SERPINI1: variants seen among roughly 807,000 people sequenced by gnomAD.
SERPINI1 encodes serpin family I member 1.
In SERPINI1, 19 loss-of-function variants were observed where a neutral mutation model predicts 41.1. The ratio of observed to expected loss-of-function variants is 0.46; its 90% CI spans 0.32 to 0.68. The LOEUF is 0.68. Ranked by LOEUF, SERPINI1 falls within the 30% of genes least tolerant of loss-of-function variation. The pLI is 0.03. For missense variants in SERPINI1, 460 were observed against 479.2 expected (o/e 0.96, Z 0.37); for synonymous variants, 138 against 156.6 (o/e 0.88, Z 0.89).
At chr3:167,759,187 T>C (rs1455972377) in intron 1 of SERPINI1, among the ~76,000 whole-genome samples, 1 of 152,100 alleles carries the variant, frequency 6.6e-6, no homozygotes, top group Non-Finnish European at 1.5e-5. Context: ...TCCCATTTTA[T>C]AGACTTTGAG....
At chr3:167,742,229 A>G (rs1420928829) in intron 1 of SERPINI1, among the ~76,000 whole-genome samples, 8 of 152,206 alleles carry the variant, frequency 5.3e-5, no homozygotes, top group Admixed American at 5.2e-4. Context: ...GGATTATCTT[A>G]AAAGCAAATT....
chr3:167,825,509 C>T lies in SERPINI1; in HGVS notation c.*186C>T, dbSNP rs1712490227. The T allele has an allele frequency of 1.7e-6, 1 of 572,622 alleles. No homozygotes were observed. Among genetic ancestry groups the T allele is most frequent in the Non-Finnish European group, 3.1e-6 (1 of 320,254 alleles). The allele number at this position is 572,622 out of a possible 1,614,324, so 35.5% of individuals were successfully genotyped here. A position where few individuals can be genotyped will look rare whatever the true frequency, so the allele number is the denominator to read the frequency against. ...TGTTATCAGTATTAAGCTAATGGTC[C>T]TGTTATGTCATTGTGTTTGTGTGCT... On this transcript the variant is annotated 3_prime_UTR_variant, in exon 9 of 9. Transcript: ENST00000446050.
chr3:167,818,738 G>T (rs1265423993), intron 6 of SERPINI1, among the ~76,000 whole-genome samples: 1 of 152,104 alleles, frequency 6.6e-6, no homozygotes, highest in East Asian at 1.9e-4. Context: ...GTGCGAACAG[G>T]CAATAAAGTA....
chr3:167,755,794 A>ATTTTTTTTTTTTTTTTT (rs34182780), intron 1 of SERPINI1, among the ~76,000 whole-genome samples: 1 of 119,222 alleles, frequency 8.4e-6, no homozygotes. Flanking sequence ...GGTGTTGCTG[A>ATTTTTTTTTTTTTTTTT]TTTTTTTTTT....
intron 1 of SERPINI1, among the ~76,000 whole-genome samples, chr3:167,768,860 A>C (rs1057352184): frequency 3.9e-5 from 6 of 152,192 alleles, no homozygotes; most frequent in African/African-American, 1.4e-4. Flanking sequence ...AAGGTCCTAG[A>C]CTTTAAGGGT....
intron 1 of SERPINI1, among the ~76,000 whole-genome samples, chr3:167,776,005 G>A (rs1726960246): frequency 6.6e-6 from 1 of 152,190 alleles, no homozygotes; most frequent in Admixed American, 6.5e-5. Context: ...ACAAAATGGG[G>A]GGAGGCCTTA....
At chr3:167,757,531 C>A (rs924992209) in intron 1 of SERPINI1, among the ~76,000 whole-genome samples, 32 of 151,876 alleles carry the variant, frequency 2.1e-4, no homozygotes, top group Non-Finnish European at 3.8e-4. Flanking sequence ...CACACACACA[C>A]AAAATATATA....
intron 6 of SERPINI1, among the ~76,000 whole-genome samples, chr3:167,817,259 A>G (rs139301046): frequency 1.3e-5 from 2 of 152,282 alleles, no homozygotes; most frequent in African/African-American, 4.8e-5. Flanking sequence ...CTGATTTCTA[A>G]GGAATTTTAT....
chr3:167,810,140 T>C (rs1217658895), intron 6 of SERPINI1, among the ~76,000 whole-genome samples: 1 of 152,134 alleles, frequency 6.6e-6, no homozygotes, highest in African/African-American at 2.4e-5. Context: ...TTCCTCTAAA[T>C]TAATAGCATT....
chr3:167,818,607 C>T (rs1038185505), intron 6 of SERPINI1, among the ~76,000 whole-genome samples: 1 of 151,824 alleles, frequency 6.6e-6, no homozygotes, highest in Non-Finnish European at 1.5e-5. Flanking sequence ...AGTTCATTAT[C>T]TTTTAAATAA....
intron 6 of SERPINI1, among the ~76,000 whole-genome samples, chr3:167,821,482 G>A (rs1712325166): frequency 6.6e-6 from 1 of 152,162 alleles, no homozygotes; most frequent in South Asian, 2.1e-4. Context: ...CCATGCCAGT[G>A]CCTGGAGCTG....
intron 1 of SERPINI1, among the ~76,000 whole-genome samples, chr3:167,740,011 T>C (rs1204542512): frequency 6.8e-6 from 1 of 146,982 alleles, no homozygotes; most frequent in African/African-American, 2.6e-5. Flanking sequence ...ATAATTAACC[T>C]GCCTTTTTCT....
chr3:167,749,000 A>G (rs896829331), intron 1 of SERPINI1, among the ~76,000 whole-genome samples: 1 of 152,220 alleles, frequency 6.6e-6, no homozygotes, highest in African/African-American at 2.4e-5. Flanking sequence ...TAATAATTCA[A>G]AATGTAACCG....
intron 6 of SERPINI1, among the ~76,000 whole-genome samples, chr3:167,807,807 T>G (rs1398131428): frequency 3.3e-5 from 5 of 152,090 alleles, no homozygotes; most frequent in Non-Finnish European, 7.4e-5. Context: ...ATGTTCTAAT[T>G]CTTTAATAAA....
intron 1 of SERPINI1, among the ~76,000 whole-genome samples, chr3:167,746,571 G>A (rs752055163): frequency 3.2e-4 from 49 of 152,240 alleles, no homozygotes; most frequent in Admixed American, 1.8e-3. Context: ...TTAAAACAAT[G>A]CAATTAAAAG....
intron 5 of SERPINI1, among the ~76,000 whole-genome samples, chr3:167,805,728 G>A (rs1055166520): frequency 6.6e-5 from 10 of 152,176 alleles, no homozygotes; most frequent in African/African-American, 2.4e-4. Flanking sequence ...AAGTTGTTAA[G>A]GAAGGGGTCT....
intron 1 of SERPINI1, among the ~76,000 whole-genome samples, chr3:167,745,034 A>G (rs1207755516): frequency 6.6e-6 from 1 of 151,042 alleles, no homozygotes; most frequent in African/African-American, 2.4e-5. Context: ...TTACATAAAT[A>G]AAAGTATTGT....
Position 167,790,614 on chromosome 3 carries a change from G to T in SERPINI1, c.481+12G>T, listed in dbSNP as rs1171485702. On this transcript the variant is annotated intron_variant, in intron 3 of 8. Transcript: ENST00000446050. ...GAATAACACAAACAGTATGTCACTT[G>T]GTTCCTTTCTTCCTCTAGTAGCTTA... 1.9e-6 allele frequency: 3 copies of T among 1,588,280 alleles called. No homozygotes were observed. The highest frequency in any genetic ancestry group is 1.1e-5 in the South Asian group (1 of 90,274).
intron 4 of SERPINI1, 139 bp downstream of exon 4, chr3:167,792,923 ACCCT>A: frequency 2.9e-6 from 2 of 701,530 alleles, no homozygotes; most frequent in Non-Finnish European, 4.9e-6. Context: ...CATTTTAAAA[ACCCT>A]CTAATTAGTT....
Sources: gnomAD v4.1 joint callset for allele counts (sites outside exome capture counted in the v4.1 genomes callset) on GRCh38, gnomAD v4.1.1 for gene constraint, MANE v1.5 for transcripts, NCBI Gene and HGNC (gene_info 2026-07-23, HGNC 2026-07-21) for gene names.